The following ITPKB variants were observed in gnomAD, a reference collection of about 807,000 sequenced individuals.
ITPKB encodes the protein IP3 3-kinase B.
ITPKB carries 13 observed loss-of-function variants against 69.4 expected under a neutral mutation model. The observed-to-expected ratio is 0.19, with a 90% CI of 0.12 to 0.30. The LOEUF is 0.30. Ranked by LOEUF, ITPKB falls within the 10% of genes least tolerant of loss-of-function variation. The pLI is 1.00. For synonymous variants in ITPKB, 584 were observed against 513.7 expected (o/e 1.14, Z -1.85); for missense variants, 1,240 against 1,250.5 (o/e 0.99, Z 0.13).
At chr1:226,640,015 C>T (rs948644384) in intron 5 of ITPKB, among the ~76,000 whole-genome samples, 3 of 152,136 alleles carry the variant, frequency 2.0e-5, no homozygotes, top group East Asian at 1.9e-4. Context: ...GGGTCGGCCT[C>T]GACTTCCCAC....
At chr1:226,724,766 C>A (rs1240226981) in intron 2 of ITPKB, among the ~76,000 whole-genome samples, 1 of 152,244 alleles carries the variant, frequency 6.6e-6, no homozygotes, top group Non-Finnish European at 1.5e-5. Context: ...GCTCTCCTGA[C>A]CATGTCCTTC....
chr1:226,639,075 C>T (rs986920258), intron 6 of ITPKB, among the ~76,000 whole-genome samples: 3 of 124,836 alleles, frequency 2.4e-5, no homozygotes, highest in African/African-American at 8.7e-5. Flanking sequence ...TTTTTTTTCC[C>T]AGACAGAGTT....
At chr1:226,648,335 C>T (rs3768373) in intron 3 of ITPKB, among the ~76,000 whole-genome samples, 26,511 of 152,096 alleles carry the variant, frequency 0.17, 2,432 homozygotes, top group Middle Eastern at 0.31. Flanking sequence ...GGCAGGTAAG[C>T]TATAAAGACT....
chr1:226,690,620 A>G (rs1229458112), intron 2 of ITPKB, among the ~76,000 whole-genome samples: 1 of 152,220 alleles, frequency 6.6e-6, no homozygotes, highest in Non-Finnish European at 1.5e-5. Flanking sequence ...GATATAAAAC[A>G]GGACTTTTCA....
chr1:226,670,732 T>C (rs1396738968), intron 2 of ITPKB, among the ~76,000 whole-genome samples: 1 of 152,252 alleles, frequency 6.6e-6, no homozygotes, highest in Admixed American at 6.5e-5. Context: ...ATTTAACCCT[T>C]TGCTCTCATT....
intron 2 of ITPKB, among the ~76,000 whole-genome samples, chr1:226,710,368 T>A (rs1656916534): frequency 6.6e-6 from 1 of 152,196 alleles, no homozygotes; most frequent in African/African-American, 2.4e-5. Flanking sequence ...CAGTGCAAAG[T>A]AAAAATGCAG....
In ITPKB at chr1:226,634,888, TGAG is replaced by T. The variant is rs1668796552; in HGVS notation, c.2626-5_2626-3del. On this transcript the variant is annotated splice_polypyrimidine_tract_variant and splice_region_variant and intron_variant, in intron 7 of 7. Coordinates refer to ENST00000429204, the MANE Select transcript of ITPKB (RefSeq NM_002221.4). This position sits in a 1 kb window ranked among gnomAD's most constrained non-coding sequence, Gnocchi z 6.3. ...GAAGAGGAGGGAGCTGCCAATGACCTGAGGAGAACATGGGGGTGAAGGGTGAGC... is the reference window on the plus strand; with the variant it reads ...GAAGAGGAGGGAGCTGCCAATGACCTGAGAACATGGGGGTGAAGGGTGAGC... 1 of 1,610,546 alleles carries T rather than the reference TGAG, an allele frequency of 6.2e-7. No homozygotes were observed. Among genetic ancestry groups the T allele is most frequent in the Non-Finnish European group, 8.5e-7 (1 of 1,177,698 alleles).
chr1:226,720,749 A>C (rs964784177), intron 2 of ITPKB, among the ~76,000 whole-genome samples: 1 of 152,208 alleles, frequency 6.6e-6, no homozygotes, highest in African/African-American at 2.4e-5. Context: ...GTGAATTTCA[A>C]AAGAAATATT....
chr1:226,725,804 G>A (rs1187818515), intron 2 of ITPKB, among the ~76,000 whole-genome samples: 1 of 152,230 alleles, frequency 6.6e-6, no homozygotes, highest in East Asian at 1.9e-4. Context: ...AAGAGGAGAC[G>A]ATGCTGCGGC....
Position 226,690,382 on chromosome 1 carries a change from G to A in ITPKB, c.1933-41611C>T, listed in dbSNP as rs547431043. On this transcript the variant is annotated intron_variant, in intron 2 of 7. Coordinates refer to ENST00000429204, the MANE Select transcript of ITPKB (RefSeq NM_002221.4). ...CAACCAGGCTCAGAAAAGTTAAAGT[G>A]ACCTAGCCAAAGTCACACAACAAAG... Among the ~76,000 whole-genome samples, 5 of 152,288 alleles carry A rather than the reference G, an allele frequency of 3.3e-5. No homozygotes were observed. In the East Asian group the frequency reaches 5.8e-4, roughly 18 times the overall value.
intron 2 of ITPKB, among the ~76,000 whole-genome samples, chr1:226,723,277 G>A (rs528688208): frequency 4.1e-4 from 62 of 152,196 alleles, no homozygotes; most frequent in African/African-American, 1.4e-3. Context: ...GTTCTCTGTG[G>A]CTCACTTCAA....
intron 6 of ITPKB, among the ~76,000 whole-genome samples, chr1:226,639,053 A>AC (rs1553316179): frequency 1.8e-5 from 1 of 56,546 alleles, no homozygotes; most frequent in Non-Finnish European, 3.1e-5. Context: ...AGTGCCCTTG[A>AC]CTTTTTTTTT....
intron 2 of ITPKB, among the ~76,000 whole-genome samples, chr1:226,727,366 T>G (rs1657457389): frequency 6.6e-6 from 1 of 152,104 alleles, no homozygotes; most frequent in African/African-American, 2.4e-5. Context: ...GAAAAAACAC[T>G]TGCTGGGAAC....
In ITPKB at chr1:226,647,388, G is replaced by A. The variant is rs1457363854; in HGVS notation, c.2033-8C>T. The A allele has an allele frequency of 6.2e-7, 1 of 1,608,694 alleles. No individual in the cohort carries two copies. Among genetic ancestry groups the A allele is most frequent in the Non-Finnish European group, 8.5e-7 (1 of 1,176,266 alleles). On this transcript the variant is annotated splice_polypyrimidine_tract_variant and splice_region_variant and intron_variant, in intron 3 of 7. Transcript: ENST00000429204. ...CAGCTGCCTTGAAACTCCCTGGAGA[G>A]CAAGTGTAGAAGGTTCCTGGTCTCC... is the stretch of plus-strand genomic sequence containing the variant.
chr1:226,737,999 G>A (rs775059185), intron 1 of ITPKB, among the ~76,000 whole-genome samples: 1 of 152,188 alleles, frequency 6.6e-6, no homozygotes, highest in Non-Finnish European at 1.5e-5. Context: ...CTGTGTGCGG[G>A]GCGCGGCTGA....
chr1:226,693,029 AT>A (rs1656394084), intron 2 of ITPKB, among the ~76,000 whole-genome samples: 1 of 152,194 alleles, frequency 6.6e-6, no homozygotes, highest in Non-Finnish European at 1.5e-5. Flanking sequence ...TGTGATGGTA[AT>A]AAGGTTCGGC....
At chr1:226,688,279 G>A (rs2102778806) in intron 2 of ITPKB, among the ~76,000 whole-genome samples, 1 of 152,320 alleles carries the variant, frequency 6.6e-6, no homozygotes, top group East Asian at 1.9e-4. Flanking sequence ...CAGGTACCAT[G>A]CTGGCACTGG....
intron 7 of ITPKB, among the ~76,000 whole-genome samples, chr1:226,636,345 C>A (rs1194009746): frequency 6.6e-6 from 1 of 152,226 alleles, no homozygotes; most frequent in Non-Finnish European, 1.5e-5. Flanking sequence ...CGAGAAGGAC[C>A]GAGCTCCCTG....
intron 2 of ITPKB, among the ~76,000 whole-genome samples, chr1:226,731,036 G>A (rs1182235514): frequency 2.0e-5 from 3 of 152,190 alleles, no homozygotes; most frequent in African/African-American, 4.8e-5. Context: ...AAGTAGCAAC[G>A]CTTAGAATCA....
Sources: gnomAD v4.1 joint callset for allele counts (sites outside exome capture counted in the v4.1 genomes callset) on GRCh38, gnomAD v4.1.1 for gene constraint, Gnocchi (gnomAD v3.1) non-coding constraint, MANE v1.5 for transcripts, NCBI Gene and HGNC (gene_info 2026-07-23, HGNC 2026-07-21) for gene names.